Variants in ZDHHC11 observed in about 807,000 individuals in gnomAD.
ZDHHC11 encodes palmitoyltransferase ZDHHC11.
A neutral mutation model predicts 51.3 loss-of-function variants in ZDHHC11; 44 were observed. That is an observed-to-expected ratio of 0.86 (90% CI 0.67 to 1.10). The LOEUF (loss-of-function observed/expected upper bound fraction) is 1.10. Ranked by LOEUF, ZDHHC11 falls within the 50% of genes least tolerant of loss-of-function variation. ZDHHC11 has a pLI of 0.00. For missense variants in ZDHHC11, 400 were observed against 537.7 expected (o/e 0.74, Z 2.53); for synonymous variants, 163 against 222.0 (o/e 0.73, Z 2.36).
Position 801,167 on chromosome 5 carries a change from G to A in ZDHHC11, c.1182-3C>T, listed in dbSNP as rs572392437. ...GCTCTGTTGTTTCTTGTTGCAGCCTGTTTGCAATATTCAGAAAGAGAAACA... is the reference window on the plus strand; with the variant it reads ...GCTCTGTTGTTTCTTGTTGCAGCCTATTTGCAATATTCAGAAAGAGAAACA... On this transcript the variant is annotated splice_region_variant and splice_polypyrimidine_tract_variant and intron_variant, in intron 11 of 12. Coordinates refer to ENST00000283441, the MANE Select transcript of ZDHHC11 (RefSeq NM_024786.3). 4.3e-6 allele frequency: 7 copies of A among 1,610,816 alleles called. No individual in the cohort carries two copies. Among genetic ancestry groups the A allele is most frequent in the Non-Finnish European group, 5.9e-6 (7 of 1,177,842 alleles).
chr5:858,133 A>T (rs1748526918), intron 1 of ZDHHC11, among the ~76,000 whole-genome samples: 1 of 137,984 alleles, frequency 7.2e-6, no homozygotes, highest in African/African-American at 2.8e-5. Flanking sequence ...TCTTTATGAC[A>T]CCGTGGTCCC....
rs1387664832 is a variant in ZDHHC11 at position 821,912 on chromosome 5, C to T, written c.1024-17G>A. ...ATCCCCTTCCTGTGGGGAAGTGAAG[C>T]AAAATTCATAGAATGAATTGACATT... On this transcript the variant is annotated splice_polypyrimidine_tract_variant and intron_variant, in intron 8 of 12. Coordinates refer to ENST00000283441, the MANE Select transcript of ZDHHC11 (RefSeq NM_024786.3). 2 of 1,598,774 alleles carry T rather than the reference C, an allele frequency of 1.3e-6. No individual in the cohort carries two copies. The highest frequency in any genetic ancestry group is 1.3e-5 in the African/African-American group (1 of 74,574).
At chr5:819,774 G>A (rs1014387477) in intron 9 of ZDHHC11, among the ~76,000 whole-genome samples, 162 bp from the exon 10 acceptor site, 2 of 151,224 alleles carry the variant, frequency 1.3e-5, no homozygotes, top group East Asian at 1.9e-4. Context: ...GAGTGCTCCC[G>A]GGTTACTGCA....
chr5:850,572 C>G lies in ZDHHC11; in HGVS notation c.31G>C (p.Val11Leu), dbSNP rs150354646. The change falls in exon 1 of 13, where the codon GTC becomes CTC. Residue 11 changes from valine (V) to leucine (L), a missense_variant. Val to Leu is a conservative substitution (Grantham distance 32). Transcript: ENST00000283441. Reference sequence around the variant, plus strand: ...TTATTGAGTATGGCTTCTGGGGTGACGGAACACTGGCTCCCGGAGCGGGTG... The same window carrying G: ...TTATTGAGTATGGCTTCTGGGGTGAGGGAACACTGGCTCCCGGAGCGGGTG... MDTRSGSQCS[V>L]TPEAILNNEK... 8.1e-6 allele frequency: 13 copies of G among 1,613,344 alleles called. No homozygotes were observed. The East Asian group carries it at 2.7e-4, about 33-fold the overall frequency.
At position 828,091 on chromosome 5, in the gene ZDHHC11, T is replaced by C. The variant is rs1304901927; in HGVS notation, c.936-2840A>G. Reference sequence around the variant, plus strand: ...AGATCAACAGGATCCCAAGGCAGAATTTTTCTTAGTACAGAACAAAATGAA... The same window carrying C: ...AGATCAACAGGATCCCAAGGCAGAACTTTTCTTAGTACAGAACAAAATGAA... On this transcript the variant is annotated intron_variant, in intron 7 of 12. Coordinates refer to ENST00000283441, the MANE Select transcript of ZDHHC11 (RefSeq NM_024786.3). Among the ~76,000 whole-genome samples, 3 of 151,422 alleles carry C rather than the reference T, an allele frequency of 2.0e-5. 1 individual carries two copies. Among genetic ancestry groups the C allele is most frequent in the Non-Finnish European group, 4.4e-5 (3 of 67,776 alleles).
intron 11 of ZDHHC11, among the ~76,000 whole-genome samples, chr5:811,549 G>A (rs1458324862): frequency 2.7e-5 from 4 of 147,922 alleles, no homozygotes; most frequent in South Asian, 2.1e-4. Flanking sequence ...GCACGTTTCC[G>A]TGAAGGACGG....
At chr5:840,746 G>A (rs1744711333) in intron 4 of ZDHHC11, 96 bp from the exon 5 acceptor site, 2 of 1,584,022 alleles carry the variant, frequency 1.3e-6, no homozygotes, top group African/African-American at 1.3e-5. Flanking sequence ...GGATGGGGCG[G>A]TGTGGGGACA....
At chr5:846,265 T>C (rs1202531171) in intron 3 of ZDHHC11, among the ~76,000 whole-genome samples, 2 of 151,174 alleles carry the variant, frequency 1.3e-5, no homozygotes, top group Non-Finnish European at 3.0e-5. Flanking sequence ...GACCGCCCGG[T>C]GCGTCCTGTG....
At chr5:841,842 A>G (rs397922) in intron 4 of ZDHHC11, 3 of 992,780 alleles carry the variant, frequency 3.0e-6, no homozygotes, top group Non-Finnish European at 3.6e-6. Context: ...TGGATTCAGC[A>G]TGGATGTCTT....
Position 848,020 on chromosome 5 carries a change from C to T in ZDHHC11, c.402-405G>A, listed in dbSNP as rs181873117. ...TTGCAGCTGACAACAGCCCTGTAGC[C>T]AACCCCTAGGCCATCACAGAGGCCT... On this transcript the variant is annotated intron_variant, in intron 2 of 12. Coordinates refer to ENST00000283441, the MANE Select transcript of ZDHHC11 (RefSeq NM_024786.3). 3.2e-3 allele frequency among the ~76,000 whole-genome samples: 487 copies of T among 151,020 alleles called. 22 individuals carry two copies. The highest frequency in any genetic ancestry group is 0.012 in the African/African-American group (466 of 40,510).
At chr5:821,119 T>C (rs1741500175) in intron 9 of ZDHHC11, 1 of 151,182 alleles carries the variant, frequency 6.6e-6, no homozygotes, top group South Asian at 2.1e-4. Flanking sequence ...AGGAAGCAAA[T>C]GGAAATATGA....
chr5:856,747 AT>A (rs1196443134), intron 1 of ZDHHC11, among the ~76,000 whole-genome samples: 1 of 151,372 alleles, frequency 6.6e-6, no homozygotes, highest in East Asian at 1.9e-4. Flanking sequence ...CACAATACAC[AT>A]CACGCACACA....
upstream of ZDHHC11, among the ~76,000 whole-genome samples, chr5:853,258 G>A (rs375902380): frequency 6.8e-3 from 1,015 of 149,116 alleles, 24 homozygotes; most frequent in African/African-American, 0.023. Flanking sequence ...AGTGAGCAGC[G>A]GGCACAGACC....
At chr5:808,810 G>A (rs1739667726) in intron 11 of ZDHHC11, among the ~76,000 whole-genome samples, 1 of 144,828 alleles carries the variant, frequency 6.9e-6, no homozygotes, top group Admixed American at 7.0e-5. Context: ...CCATTCTCCT[G>A]CCTCAGCCTC....
At chr5:808,481 GTTCCC>G (rs1354883142) in intron 11 of ZDHHC11, among the ~76,000 whole-genome samples, 8 of 146,182 alleles carry the variant, frequency 5.5e-5, no homozygotes, top group African/African-American at 1.5e-4. Context: ...CCCTCACTCA[GTTCCC>G]TTTGGACGTC....
At chr5:813,617 C>T (rs1395047572) in intron 11 of ZDHHC11, among the ~76,000 whole-genome samples, 3 of 149,902 alleles carry the variant, frequency 2.0e-5, no homozygotes, top group Non-Finnish European at 4.4e-5. Flanking sequence ...CTGGTTTGGC[C>T]ATCTGGCCCC....
rs1737588398 is a variant in ZDHHC11, at chr5:796,525, T to C, written c.*63A>G. On this transcript the variant is annotated 3_prime_UTR_variant, in exon 13 of 13. Transcript: ENST00000283441. ...AAGGTAGACTCTACAGGCAGGACCT[T>C]GATGGAGGGTGGGGTTTCAGGGTAG... is the stretch of plus-strand genomic sequence containing the variant. The C allele has an allele frequency of 6.8e-6, 1 of 148,136 alleles. No individual in the cohort carries two copies. The highest frequency in any genetic ancestry group is 6.8e-5 in the Admixed American group (1 of 14,758). The allele number at this position is 148,136 out of a possible 1,614,324, so 9.2% of individuals were successfully genotyped here. A position where few individuals can be genotyped will look rare whatever the true frequency, so the allele number is the denominator to read the frequency against.
rs70957306 is a variant in ZDHHC11, at chr5:802,825, C to CAAAAAAAAAAAAAAAA, written c.1182-1677_1182-1662dup. On this transcript the variant is annotated intron_variant, in intron 11 of 12. Coordinates refer to ENST00000283441, the MANE Select transcript of ZDHHC11 (RefSeq NM_024786.3). The stretch of plus-strand genomic sequence containing the variant: ...TGTCTCTACTAAAAATACAAAAATA[C>CAAAAAAAAAAAAAAAA]AAAAAAAAAAAAAAAAAAAAAAAAA... Among the ~76,000 whole-genome samples, 5 of 19,100 alleles carry CAAAAAAAAAAAAAAAA rather than the reference C, an allele frequency of 2.6e-4. 2 individuals are homozygous for CAAAAAAAAAAAAAAAA. Among genetic ancestry groups the CAAAAAAAAAAAAAAAA allele is most frequent in the East Asian group, 9.1e-4 (1 of 1,100 alleles). The allele number at this position is 19,100 out of a possible 152,430, so 12.5% of individuals were successfully genotyped here. A position where few individuals can be genotyped will look rare whatever the true frequency, so the allele number is the denominator to read the frequency against.
At position 833,817 on chromosome 5, in the gene ZDHHC11, A is replaced by C; in HGVS notation, c.901-10T>G. ...GGGCGCCAGCTCCTTGCTGTGGGGC[A>C]AAAGAAAATTCGTCACATGAAAAAA... is the stretch of plus-strand genomic sequence containing the variant. On this transcript the variant is annotated splice_polypyrimidine_tract_variant and intron_variant, in intron 6 of 12. Transcript: ENST00000283441. 2 of 1,557,942 alleles carry C rather than the reference A, an allele frequency of 1.3e-6. No individual in the cohort carries two copies. The highest frequency in any genetic ancestry group is 1.1e-5 in the South Asian group (1 of 87,958).
Sources: allele counts gnomAD v4.1 joint callset (sites outside exome capture counted in the v4.1 genomes callset), GRCh38; gene constraint gnomAD v4.1.1; transcripts MANE v1.5; gene names NCBI Gene and HGNC (gene_info 2026-07-23, HGNC 2026-07-21).